USP34: variants seen among roughly 807,000 people sequenced by gnomAD.
The protein encoded by USP34 is ubiquitin specific peptidase 34.
In USP34, 70 loss-of-function variants were observed where a neutral mutation model predicts 460.3. The observed-to-expected ratio is 0.15, with a 90% CI of 0.13 to 0.19. The LOEUF is 0.19. Among genes scored for constraint, USP34 ranks in the 10% least tolerant of loss-of-function variants. USP34 has a pLI of 1.00. For synonymous variants in USP34, 1,647 were observed against 1,405.3 expected, an observed-to-expected ratio of 1.17 and a Z score of -3.85; for missense variants, 3,985 against 4,236.2, an observed-to-expected ratio of 0.94 and a Z score of 1.65.
intron 75 of USP34, chr2:61,194,281 G>C: frequency 1.0e-6 from 1 of 985,364 alleles, no homozygotes; most frequent in Non-Finnish European, 1.2e-6. Context: ...ACCTAATCTG[G>C]TTGGTGTTTG....
intron 7 of USP34, among the ~76,000 whole-genome samples, chr2:61,378,883 C>T (rs1178460139): frequency 2.4e-4 from 27 of 114,264 alleles, no homozygotes; most frequent in African/African-American, 7.2e-4. Flanking sequence ...CCAGCCTGGG[C>T]GACAGAGTGA....
intron 53 of USP34, among the ~76,000 whole-genome samples, chr2:61,239,300 TCACACACACACACACACACACACACA>T (rs60152908): frequency 3.8e-5 from 5 of 132,768 alleles, no homozygotes; most frequent in South Asian, 5.0e-4. Context: ...GAGGGCCCTG[TCACACACACACACACACACACACACA>T]CACACACACA....
In USP34 at chr2:61,249,211, TTGGCAAAGCCCAACTGTTAA is replaced by T. The variant is rs1480349511; in HGVS notation, c.6222-548_6222-529del. Among the ~76,000 whole-genome samples the T allele has an allele frequency of 3.3e-5, 5 of 152,374 alleles. No individual in the cohort carries two copies. The East Asian group carries it at 9.6e-4, about 29-fold the overall frequency. On this transcript the variant is annotated intron_variant, in intron 48 of 79. Transcript: ENST00000398571. ...CTTTAAGGCATTTTACAGCTTCTCT[TTGGCAAAGCCCAACTGTTAA>T]TGAACACTACTCTTGCACTTTGGTG...
chr2:61,281,792 T>C (rs910370938), intron 37 of USP34, among the ~76,000 whole-genome samples: 6 of 151,836 alleles, frequency 4.0e-5, no homozygotes, highest in African/African-American at 1.4e-4. Context: ...CAAAGAATAA[T>C]TGAGTAAGGA....
At chr2:61,380,044 A>G in intron 7 of USP34, 125 bp downstream of exon 7, 1 of 719,070 alleles carries the variant, frequency 1.4e-6, no homozygotes, top group Non-Finnish European at 2.2e-6. Context: ...AAGACCATAT[A>G]AAGTAATCCA....
At chr2:61,312,531 A>G (rs1226178776) in intron 25 of USP34, among the ~76,000 whole-genome samples, 3 of 152,010 alleles carry the variant, frequency 2.0e-5, no homozygotes, top group Admixed American at 2.0e-4. Context: ...AAAAAAGTCT[A>G]AAACTAATCA....
At chr2:61,361,650 A>C (rs1263396326) in intron 10 of USP34, among the ~76,000 whole-genome samples, 1 of 152,194 alleles carries the variant, frequency 6.6e-6, no homozygotes, top group Non-Finnish European at 1.5e-5. Context: ...CACACACAAA[A>C]ATCAACTCAA....
At chr2:61,458,539 C>A (rs1695503257) in intron 1 of USP34, among the ~76,000 whole-genome samples, 1 of 107,618 alleles carries the variant, frequency 9.3e-6, no homozygotes, top group Admixed American at 1.3e-4. Flanking sequence ...CCAGCCTGGG[C>A]AACAAGAGTG....
chr2:61,430,733 A>T (rs904552364), intron 1 of USP34, among the ~76,000 whole-genome samples: 4 of 152,214 alleles, frequency 2.6e-5, no homozygotes, highest in African/African-American at 9.6e-5. Flanking sequence ...TGAGAATATA[A>T]GGGAAATTGA....
chr2:61,400,211 G>A (rs1693672873), intron 3 of USP34, among the ~76,000 whole-genome samples: 1 of 151,286 alleles, frequency 6.6e-6, no homozygotes, highest in African/African-American at 2.4e-5. Context: ...CCGGGTTCAC[G>A]CCATTCTCCC....
intron 15 of USP34, among the ~76,000 whole-genome samples, chr2:61,346,930 G>C (rs755806791): frequency 6.6e-6 from 1 of 151,624 alleles, no homozygotes; most frequent in Non-Finnish European, 1.5e-5. Flanking sequence ...CTGAGGTCAG[G>C]AGTTCAAGAT....
chr2:61,209,432 G>A (rs1169354512), intron 69 of USP34, among the ~76,000 whole-genome samples: 1 of 152,178 alleles, frequency 6.6e-6, no homozygotes, highest in Non-Finnish European at 1.5e-5. Context: ...GCCACAAAAT[G>A]AAATTGTGGT....
At position 61,343,867 on chromosome 2, in the gene USP34, G is replaced by C; in HGVS notation, c.2448C>G (p.Leu816=). Reference sequence around the variant, plus strand: ...AAGCTAAATTGGGAAGATGTTGTTGGAGGTGAGATGTCAGTTCCGCATGTG... The same window carrying C: ...AAGCTAAATTGGGAAGATGTTGTTGCAGGTGAGATGTCAGTTCCGCATGTG... ...INSHAELTSH[L]QQHLPNLASI... The change falls in exon 16 of 80, where the codon CTC becomes CTG. Residue 816 remains leucine (L), a synonymous_variant. Transcript: ENST00000398571. The C allele has an allele frequency of 6.2e-7, 1 of 1,613,976 alleles. No homozygotes were observed. Among genetic ancestry groups the C allele is most frequent in the Non-Finnish European group, 8.5e-7 (1 of 1,179,934 alleles).
intron 2 of USP34, among the ~76,000 whole-genome samples, chr2:61,411,452 C>G (rs1694037470): frequency 6.6e-6 from 1 of 152,026 alleles, no homozygotes; most frequent in Non-Finnish European, 1.5e-5. Flanking sequence ...TAAACCTCCT[C>G]AAGTACCCTT....
At chr2:61,337,089 G>GGTAA (rs1356120604) in intron 18 of USP34, among the ~76,000 whole-genome samples, 1 of 152,028 alleles carries the variant, frequency 6.6e-6, no homozygotes, top group African/African-American at 2.4e-5. Context: ...AAAATACTGA[G>GGTAA]GTAAACACAT....
intron 10 of USP34, among the ~76,000 whole-genome samples, chr2:61,366,950 G>A (rs1692459718): frequency 6.6e-6 from 1 of 152,138 alleles, no homozygotes; most frequent in African/African-American, 2.4e-5. Context: ...TTAGGAGGCT[G>A]AGGTGGGACA....
intron 2 of USP34, among the ~76,000 whole-genome samples, chr2:61,409,437 G>T (rs1179317847): frequency 6.6e-6 from 1 of 152,150 alleles, no homozygotes; most frequent in East Asian, 1.9e-4. Context: ...GTTAGGGCCG[G>T]ACACGGTGGC....
chr2:61,224,598 T>C (rs1391661742), intron 62 of USP34, among the ~76,000 whole-genome samples: 1 of 152,208 alleles, frequency 6.6e-6, no homozygotes, highest in Non-Finnish European at 1.5e-5. Flanking sequence ...TCAATCACCA[T>C]TTGGTTGCCA....
intron 13 of USP34, 140 bp downstream of exon 13, chr2:61,349,110 G>A (rs867643745): frequency 8.2e-6 from 9 of 1,095,726 alleles, no homozygotes; most frequent in African/African-American, 1.6e-5. Context: ...TGGGTAACAC[G>A]AATATGTTAA....
Sources: gnomAD v4.1 joint callset for allele counts (sites outside exome capture counted in the v4.1 genomes callset) on GRCh38, gnomAD v4.1.1 for gene constraint, MANE v1.5 for transcripts, NCBI Gene and HGNC (gene_info 2026-07-23, HGNC 2026-07-21) for gene names.